SYT6: variants seen among roughly 807,000 people sequenced by gnomAD.
SYT6 encodes synaptotagmin-6.
In SYT6, 24 loss-of-function variants were observed where a neutral mutation model predicts 38.4. The observed-to-expected ratio is 0.62, with a 90% CI of 0.45 to 0.88. The LOEUF (loss-of-function observed/expected upper bound fraction) is 0.88, where lower values mean the gene tolerates loss of function less well. Among genes scored for constraint, SYT6 ranks in the 40% least tolerant of loss-of-function variants. SYT6 has a pLI of 0.00. For missense variants in SYT6, 611 were observed against 621.0 expected, an observed-to-expected ratio of 0.98 and a Z score of 0.17; for synonymous variants, 265 against 241.9, an observed-to-expected ratio of 1.10 and a Z score of -0.89.
intron 6 of SYT6, 75 bp downstream of exon 6, chr1:114,097,652 A>G (rs1451872270): frequency 3.2e-6 from 5 of 1,559,268 alleles, no homozygotes; most frequent in African/African-American, 1.4e-5. Context: ...CGAGGGTGTC[A>G]CTGCAGCTGA....
intron 3 of SYT6, among the ~76,000 whole-genome samples, chr1:114,121,008 C>A (rs933434460): frequency 6.6e-6 from 1 of 152,236 alleles, no homozygotes; most frequent in Admixed American, 6.5e-5. Flanking sequence ...GTCCCTACCG[C>A]CCTGCCCACT....
intron 6 of SYT6, among the ~76,000 whole-genome samples, chr1:114,095,699 T>C (rs540616884): frequency 2.9e-4 from 44 of 151,936 alleles, no homozygotes; most frequent in South Asian, 6.2e-4. Context: ...CTCGCTCTGT[T>C]GTCCAGGCTG....
intron 1 of SYT6, among the ~76,000 whole-genome samples, chr1:114,142,630 G>A (rs904808324): frequency 6.6e-6 from 1 of 152,164 alleles, no homozygotes; most frequent in Non-Finnish European, 1.5e-5. Flanking sequence ...AGACAGCGGT[G>A]CATGCTACAG....
intron 6 of SYT6, among the ~76,000 whole-genome samples, chr1:114,097,152 G>A (rs898335042): frequency 1.3e-5 from 2 of 152,202 alleles, no homozygotes; most frequent in Non-Finnish European, 2.9e-5. Flanking sequence ...TCTCCATTAC[G>A]TCTCTGTTAG....
chr1:114,111,165 C>G (rs1412307174), intron 3 of SYT6, among the ~76,000 whole-genome samples: 1 of 152,212 alleles, frequency 6.6e-6, no homozygotes, highest in African/African-American at 2.4e-5. Flanking sequence ...TTCTAGCCAG[C>G]CTCACCTTCC....
chr1:114,141,337 A>G (rs6679067), intron 1 of SYT6, among the ~76,000 whole-genome samples: 31,509 of 152,204 alleles, frequency 0.21, 3,587 homozygotes, highest in South Asian at 0.33. Flanking sequence ...TGCTGATGTG[A>G]AGAGAGCTTT....
intron 3 of SYT6, among the ~76,000 whole-genome samples, chr1:114,121,498 C>A (rs1677399810): frequency 6.6e-6 from 1 of 152,174 alleles, no homozygotes; most frequent in African/African-American, 2.4e-5. Context: ...CAGGAGGACC[C>A]TGGGGCTCAT....
Position 114,139,934 on chromosome 1 carries a change from C to T in SYT6, c.193G>A (p.Val65Ile), listed in dbSNP as rs968461863. Residue 65 changes from valine to isoleucine, a missense_variant, in exon 2 of 8, where the codon GTT (valine) becomes ATT (isoleucine). Physicochemically the swap from Val to Ile is conservative, Grantham distance 29 (BLOSUM62 3). Transcript: ENST00000610222. ...GTSVSLLAVV[V>I]IVCGVALVAV... Reference sequence around the variant, plus strand: ...ACCAGGGCCACGCCACACACAATAACTACAACTGCGAGGAGGCTGACAGAG... The same window carrying T: ...ACCAGGGCCACGCCACACACAATAATTACAACTGCGAGGAGGCTGACAGAG... 9.2e-6 allele frequency: 14 copies of T among 1,515,902 alleles called. No homozygotes were observed. Among genetic ancestry groups the T allele is most frequent in the Non-Finnish European group, 1.1e-5 (13 of 1,134,810 alleles). 93.9% of individuals were successfully genotyped at this position (1,515,902 alleles called of 1,614,324 possible). A position where few individuals can be genotyped will look rare whatever the true frequency, so the allele number is the denominator to read the frequency against.
At chr1:114,131,064 T>C (rs988798954) in intron 3 of SYT6, among the ~76,000 whole-genome samples, 4 of 151,954 alleles carry the variant, frequency 2.6e-5, no homozygotes, top group African/African-American at 7.3e-5. Flanking sequence ...AAGCAAGCAA[T>C]TTCATTTCAG....
chr1:114,148,580 G>A (rs1161188825), intron 1 of SYT6, among the ~76,000 whole-genome samples: 3 of 152,196 alleles, frequency 2.0e-5, no homozygotes, highest in Non-Finnish European at 2.9e-5. Flanking sequence ...AGCAAGTGAC[G>A]CAGAGGCCCA....
chr1:114,140,445 T>C (rs1306912738), intron 1 of SYT6, among the ~76,000 whole-genome samples: 1 of 152,118 alleles, frequency 6.6e-6, no homozygotes, highest in Non-Finnish European at 1.5e-5. Flanking sequence ...GTGTGATACC[T>C]TGGGGGGCAG....
chr1:114,095,647 G>T (rs1675588585), intron 6 of SYT6, among the ~76,000 whole-genome samples: 1 of 148,676 alleles, frequency 6.7e-6, no homozygotes, highest in Non-Finnish European at 1.5e-5. Context: ...GACCAGAGTG[G>T]GGCAGTGAGT....
At chr1:114,094,840 C>T (rs542870742) in intron 6 of SYT6, among the ~76,000 whole-genome samples, 6 of 152,262 alleles carry the variant, frequency 3.9e-5, no homozygotes, top group Admixed American at 2.0e-4. Context: ...ATATCCAGAA[C>T]GGGAACGAAA....
At position 114,137,535 on chromosome 1, in the gene SYT6, C is replaced by T. The variant is rs190665621; in HGVS notation, c.1031G>A (p.Arg344Gln). 115 of 1,614,056 alleles carry T rather than the reference C, an allele frequency of 7.1e-5. 1 individual carries two copies. In the Admixed American group the frequency reaches 1.2e-3, roughly 17 times the overall value. ...DNLFEASDLS[R>Q]ETSIWKDIQY... The stretch of plus-strand genomic sequence containing the variant: ...GATATCCTTCCAGATGGAGGTTTCC[C>T]GAGACAGGTCAGAGGCCTCAAAGAG... The change falls in exon 3 of 8, where the codon CGG becomes CAG. Residue 344 changes from arginine to glutamine, a missense_variant. Coordinates refer to ENST00000610222, the MANE Select transcript of SYT6 (RefSeq NM_001253772.2).
At chr1:114,129,152 T>C (rs552002725) in intron 3 of SYT6, among the ~76,000 whole-genome samples, 2 of 152,350 alleles carry the variant, frequency 1.3e-5, no homozygotes, top group Admixed American at 6.5e-5. Flanking sequence ...TTCTTCTCTT[T>C]CTCTACACCT....
chr1:114,133,980 G>T (rs1032330116), intron 3 of SYT6, among the ~76,000 whole-genome samples: 4 of 152,214 alleles, frequency 2.6e-5, no homozygotes, highest in African/African-American at 9.7e-5. Context: ...ACCAGGGTGG[G>T]GGTGGGAACA....
intron 3 of SYT6, among the ~76,000 whole-genome samples, chr1:114,109,010 T>C (rs557879447): frequency 7.2e-6 from 1 of 138,946 alleles, no homozygotes; most frequent in South Asian, 2.1e-4. Context: ...TGTGGGAGGG[T>C]AGGGGGGCTG....
chr1:114,130,944 A>C (rs1318167552), intron 3 of SYT6, among the ~76,000 whole-genome samples: 1 of 152,244 alleles, frequency 6.6e-6, no homozygotes, highest in Non-Finnish European at 1.5e-5. Flanking sequence ...TGGATCAATT[A>C]GCTGATTCTT....
chr1:114,140,508 A>G (rs1487319024), intron 1 of SYT6, among the ~76,000 whole-genome samples: 1 of 152,122 alleles, frequency 6.6e-6, no homozygotes, highest in Non-Finnish European at 1.5e-5. Flanking sequence ...ACTGAGCCCA[A>G]GACAGGAACT....
Sources: gnomAD v4.1 joint callset for allele counts (sites outside exome capture counted in the v4.1 genomes callset) on GRCh38, gnomAD v4.1.1 for gene constraint, MANE v1.5 for transcripts, NCBI Gene and HGNC (gene_info 2026-07-23, HGNC 2026-07-21) for gene names.